The following SNTG2 variants were observed in gnomAD, a reference collection of about 807,000 sequenced individuals.
SNTG2 encodes syntrophin gamma 2.
Under a neutral mutation model 70.9 loss-of-function variants are expected in SNTG2, and 74 were observed. The observed-to-expected ratio is 1.04, with a 90% CI of 0.86 to 1.27. The LOEUF is 1.27. Ranked by LOEUF, SNTG2 falls within the 50% of genes most tolerant of loss-of-function variation. The probability of loss-of-function intolerance (pLI) is 0.00; values close to 1 mark genes in which losing one functional copy is unlikely to be tolerated. For missense variants in SNTG2, 717 were observed against 690.7 expected, an observed-to-expected ratio of 1.04 and a Z score of -0.43; for synonymous variants, 278 against 273.8, an observed-to-expected ratio of 1.02 and a Z score of -0.15.
intron 4 of SNTG2, among the ~76,000 whole-genome samples, chr2:1,122,674 C>T (rs1375445971): frequency 3.4e-5 from 5 of 148,462 alleles, no homozygotes; most frequent in African/African-American, 9.9e-5. Flanking sequence ...CCAGTCTTGC[C>T]GATTTTATTC....
Position 1,316,304 on chromosome 2 carries a change from T to C in SNTG2, c.1417T>C (p.Ser473Pro), listed in dbSNP as rs1292891976. The C allele has an allele frequency of 2.6e-6, 4 of 1,550,188 alleles. No homozygotes were observed. The South Asian group carries it at 4.8e-5, about 18-fold the overall frequency. Reference protein sequence around the residue: ...WRFKFSQLKGSSDDGKTRVKL... With the variant: ...WRFKFSQLKGPSDDGKTRVKL... ...ATTTAAATTTTCCCAGCTTAAGGGA[T>C]CTTCAGATGATGGGAAAACTCGAGT... The change falls in exon 16 of 17, where the codon TCT becomes CCT. Residue 473 changes from serine to proline, a missense_variant. Coordinates refer to ENST00000308624, the MANE Select transcript of SNTG2 (RefSeq NM_018968.4).
chr2:1,203,673 A>AAATAT (rs1451954919), intron 8 of SNTG2, among the ~76,000 whole-genome samples: 9 of 115,538 alleles, frequency 7.8e-5, no homozygotes, highest in African/African-American at 2.2e-4. Flanking sequence ...CAAAAAAAAA[A>AAATAT]ATATATATAT....
chr2:998,919 T>C (rs1310039097), intron 1 of SNTG2, among the ~76,000 whole-genome samples: 1 of 152,074 alleles, frequency 6.6e-6, no homozygotes, highest in Non-Finnish European at 1.5e-5. Flanking sequence ...GGAGAGTCCA[T>C]CAAATTTCTA....
At chr2:1,125,639 CTTAAAGATTTACAA>C (rs200615612) in intron 4 of SNTG2, among the ~76,000 whole-genome samples, 2,493 of 152,260 alleles carry the variant, frequency 0.016, 75 homozygotes, top group African/African-American at 0.055. Context: ...TGCTACTTTT[CTTAAAGATTTACAA>C]TTAAAGATTT....
At chr2:1,341,659 A>C (rs977732813) in intron 16 of SNTG2, 3 of 152,146 alleles carry the variant, frequency 2.0e-5, no homozygotes, top group African/African-American at 7.2e-5. Flanking sequence ...TTCCTTTGAA[A>C]GAAGCTTTCT....
At chr2:971,622 T>C (rs1660742453) in intron 1 of SNTG2, among the ~76,000 whole-genome samples, 1 of 152,042 alleles carries the variant, frequency 6.6e-6, no homozygotes, top group South Asian at 2.1e-4. Context: ...TTTGCTAATC[T>C]TTTGTATGTT....
At chr2:1,142,441 A>G (rs1668819399) in intron 6 of SNTG2, among the ~76,000 whole-genome samples, 2 of 152,222 alleles carry the variant, frequency 1.3e-5, no homozygotes, top group South Asian at 4.1e-4. Flanking sequence ...CCTGCTCAGC[A>G]GGAAAGTGCC....
chr2:1,245,671 C>T (rs1677380627), intron 11 of SNTG2, among the ~76,000 whole-genome samples: 1 of 152,034 alleles, frequency 6.6e-6, no homozygotes, highest in African/African-American at 2.4e-5. Context: ...AGTGTTATAA[C>T]CAACAAAAAT....
chr2:1,091,078 C>T (rs1188830517), intron 2 of SNTG2, among the ~76,000 whole-genome samples: 1 of 152,042 alleles, frequency 6.6e-6, no homozygotes, highest in Non-Finnish European at 1.5e-5. Flanking sequence ...TTCATGTCTG[C>T]TCTGTGATAT....
chr2:993,372 C>T (rs59556964), intron 1 of SNTG2, among the ~76,000 whole-genome samples: 13,217 of 152,130 alleles, frequency 0.087, 758 homozygotes, highest in South Asian at 0.21. Context: ...CTACCAGATA[C>T]ATTCCATTGT....
At chr2:1,348,131 C>G (rs1660391466) in intron 16 of SNTG2, among the ~76,000 whole-genome samples, 1 of 152,170 alleles carries the variant, frequency 6.6e-6, no homozygotes, top group African/African-American at 2.4e-5. Flanking sequence ...GGTTGACATT[C>G]CTATGGCAAC....
intron 15 of SNTG2, among the ~76,000 whole-genome samples, chr2:1,309,113 T>C (rs1680853618): frequency 6.6e-6 from 1 of 152,192 alleles, no homozygotes; most frequent in African/African-American, 2.4e-5. Flanking sequence ...TAAAACCTAC[T>C]CTCTGTGTTA....
At chr2:1,144,136 A>G (rs1014376320) in intron 6 of SNTG2, among the ~76,000 whole-genome samples, 5 of 152,086 alleles carry the variant, frequency 3.3e-5, no homozygotes, top group African/African-American at 4.8e-5. Context: ...TAAATCTTTA[A>G]TGAGTTTCTT....
intron 1 of SNTG2, among the ~76,000 whole-genome samples, chr2:953,138 G>C (rs560046716): frequency 6.6e-6 from 1 of 152,158 alleles, no homozygotes; most frequent in Non-Finnish European, 1.5e-5. Flanking sequence ...TTCGGTAACA[G>C]ACCTGTTTTG....
intron 1 of SNTG2, among the ~76,000 whole-genome samples, chr2:983,807 C>T (rs894736790): frequency 1.3e-5 from 2 of 152,092 alleles, no homozygotes; most frequent in Non-Finnish European, 2.9e-5. Context: ...TTGTGGGCAC[C>T]CTCCACCATG....
rs562910378 is a variant in SNTG2 at position 990,579 on chromosome 2, T to TGA, written c.72+39511_72+39512insGA. ...ATAATCTCCCAAAGACCCCACCTCC[T>TGA]AACACCATCACATTGCAGATTAGAG... is the stretch of plus-strand genomic sequence containing the variant. On this transcript the variant is annotated intron_variant, in intron 1 of 16. Transcript: ENST00000308624. 1.1e-4 allele frequency among the ~76,000 whole-genome samples: 16 copies of TGA among 152,278 alleles called. No homozygotes were observed. The South Asian group carries it at 3.3e-3, about 32-fold the overall frequency.
At chr2:1,151,714 C>T (rs371300073) in intron 6 of SNTG2, among the ~76,000 whole-genome samples, 1 of 152,322 alleles carries the variant, frequency 6.6e-6, no homozygotes, top group African/African-American at 2.4e-5. Context: ...CCCGTGCGTG[C>T]CGTGCTTCTC....
chr2:1,276,243 C>T (rs1679259625), intron 14 of SNTG2, among the ~76,000 whole-genome samples: 1 of 152,252 alleles, frequency 6.6e-6, no homozygotes, highest in Non-Finnish European at 1.5e-5. Context: ...GTAGACGAAA[C>T]AGCATTCTAT....
At chr2:1,294,263 T>A (rs1301022093) in intron 14 of SNTG2, among the ~76,000 whole-genome samples, 1 of 151,968 alleles carries the variant, frequency 6.6e-6, no homozygotes, top group Non-Finnish European at 1.5e-5. Context: ...CAGATCCCAT[T>A]AGGGACAGAC....
Sources: gnomAD v4.1 joint callset for allele counts (sites outside exome capture counted in the v4.1 genomes callset) on GRCh38, gnomAD v4.1.1 for gene constraint, MANE v1.5 for transcripts, NCBI Gene and HGNC (gene_info 2026-07-23, HGNC 2026-07-21) for gene names.